GLYR1: variants seen among roughly 807,000 people sequenced by gnomAD.
The protein encoded by GLYR1 is glyoxylate reductase 1 homolog, also known as cytokine-like nuclear factor N-PAC.
A neutral mutation model predicts 72.7 loss-of-function variants in GLYR1; 21 were observed. That is an observed-to-expected ratio of 0.29 (90% CI 0.20 to 0.42). The LOEUF (loss-of-function observed/expected upper bound fraction) is 0.42, where lower values mean the gene tolerates loss of function less well. GLYR1 is among the 10% of genes least tolerant of loss of function. The pLI, the probability that GLYR1 is intolerant of heterozygous loss-of-function variation, is 1.00. For synonymous variants in GLYR1, 392 were observed against 270.2 expected, an observed-to-expected ratio of 1.45 and a Z score of -4.42; for missense variants, 594 against 712.1, an observed-to-expected ratio of 0.83 and a Z score of 1.89.
intron 5 of GLYR1, among the ~76,000 whole-genome samples, chr16:4,826,271 T>C (rs2084374744): frequency 6.6e-6 from 1 of 152,206 alleles, no homozygotes; most frequent in Admixed American, 6.5e-5. Context: ...TTGTTTTCTG[T>C]AATTTCTAAT....
intron 5 of GLYR1, among the ~76,000 whole-genome samples, chr16:4,827,373 G>A (rs558826662): frequency 6.6e-6 from 1 of 152,308 alleles, no homozygotes; most frequent in East Asian, 1.9e-4. Context: ...CTACCTGTCT[G>A]AAGGTGCTGA....
chr16:4,814,215 C>G (rs1056427599), intron 11 of GLYR1, among the ~76,000 whole-genome samples: 1 of 152,194 alleles, frequency 6.6e-6, no homozygotes, highest in East Asian at 1.9e-4. Context: ...ACAGTGACAG[C>G]TAAACATAGA....
intron 5 of GLYR1, among the ~76,000 whole-genome samples, chr16:4,825,801 G>A (rs551126561): frequency 3.3e-5 from 5 of 151,952 alleles, no homozygotes; most frequent in Admixed American, 1.3e-4. Context: ...ACAGGCGCGC[G>A]GCCACCATGC....
chr16:4,824,876 C>A (rs149773206), intron 5 of GLYR1, among the ~76,000 whole-genome samples: 72 of 152,298 alleles, frequency 4.7e-4, no homozygotes, highest in African/African-American at 1.7e-3. Context: ...CACCCCCTGC[C>A]TAAACTACTC....
At chr16:4,836,879 G>A (rs928291007) in intron 3 of GLYR1, among the ~76,000 whole-genome samples, 5 of 151,330 alleles carry the variant, frequency 3.3e-5, no homozygotes, top group South Asian at 2.1e-4. Context: ...AGGCTATGCC[G>A]ACTGCCCAGA....
Position 4,832,975 on chromosome 16 carries a change from A to G in GLYR1, c.156-63T>C, listed in dbSNP as rs2084891885. On this transcript the variant is annotated intron_variant, in intron 3 of 15. Coordinates refer to ENST00000321919, the MANE Select transcript of GLYR1 (RefSeq NM_032569.4). Reference sequence around the variant, plus strand: ...TAGCATATGCCCTAAAGTATCAACAACCTCACTATGGCACGGTGTAAATAT... The same window carrying G: ...TAGCATATGCCCTAAAGTATCAACAGCCTCACTATGGCACGGTGTAAATAT... 3 of 1,457,116 alleles carry G rather than the reference A, an allele frequency of 2.1e-6. No individual in the cohort carries two copies. In the Admixed American group the frequency reaches 6.6e-5, roughly 32 times the overall value. 90.3% of individuals were successfully genotyped at this position (1,457,116 alleles called of 1,614,324 possible).
intron 5 of GLYR1, among the ~76,000 whole-genome samples, chr16:4,826,865 G>A (rs1352014420): frequency 6.6e-6 from 1 of 152,198 alleles, no homozygotes; most frequent in Admixed American, 6.5e-5. Flanking sequence ...ACTCACCTAA[G>A]GCCACAATGA....
At chr16:4,814,168 G>A (rs970272684) in intron 11 of GLYR1, among the ~76,000 whole-genome samples, 10 of 151,792 alleles carry the variant, frequency 6.6e-5, no homozygotes, top group African/African-American at 1.4e-4. Context: ...AGTTTAATAA[G>A]ATGACTACCA....
chr16:4,827,321 A>G (rs1297687632), intron 5 of GLYR1, among the ~76,000 whole-genome samples: 2 of 152,188 alleles, frequency 1.3e-5, no homozygotes, highest in Non-Finnish European at 2.9e-5. Context: ...GATGTATCGC[A>G]TTTAAAACAC....
intron 9 of GLYR1, 127 bp downstream of exon 9, chr16:4,821,253 C>T (rs2084004226): frequency 1.1e-6 from 1 of 906,202 alleles, no homozygotes; most frequent in Non-Finnish European, 1.8e-6. Flanking sequence ...TACAACATCC[C>T]CCCACCTTTT....
chr16:4,828,914 C>T (rs533017499), intron 5 of GLYR1, among the ~76,000 whole-genome samples: 5 of 152,152 alleles, frequency 3.3e-5, no homozygotes, highest in East Asian at 1.9e-4. Flanking sequence ...GCACAGGCAC[C>T]GGTGAGATGC....
chr16:4,840,623 T>C (rs2085481504), intron 3 of GLYR1, among the ~76,000 whole-genome samples: 1 of 152,118 alleles, frequency 6.6e-6, no homozygotes, highest in South Asian at 2.1e-4. Flanking sequence ...GACCAATGTG[T>C]GCTAATACCT....
chr16:4,832,326 T>A, intron 4 of GLYR1, 105 bp from the exon 5 acceptor site: 3 of 1,338,816 alleles, frequency 2.2e-6, no homozygotes, highest in Non-Finnish European at 3.1e-6. Context: ...CTGTGTGGTC[T>A]CCTCACAATG....
chr16:4,814,483 CCAG>C, intron 11 of GLYR1, 51 bp downstream of exon 11: 1 of 1,385,310 alleles, frequency 7.2e-7, no homozygotes, highest in Non-Finnish European at 1.0e-6. Context: ...AAGAGGCCAG[CCAG>C]CAATCCTGGC....
chr16:4,822,704 T>C (rs2084115303), intron 7 of GLYR1, among the ~76,000 whole-genome samples, 171 bp downstream of exon 7: 1 of 152,254 alleles, frequency 6.6e-6, no homozygotes, highest in South Asian at 2.1e-4. Flanking sequence ...TTACTTTTAA[T>C]CTTAACAATG....
At position 4,837,932 on chromosome 16, in the gene GLYR1, A is replaced by AAATTAAAT. The variant is rs1555504982; in HGVS notation, c.156-5021_156-5020insATTTAATT. 2.8e-5 allele frequency among the ~76,000 whole-genome samples: 4 copies of AAATTAAAT among 142,512 alleles called. No homozygotes were observed. The South Asian group carries it at 6.6e-4, about 23-fold the overall frequency. The allele number at this position is 142,512 out of a possible 152,430, so 93.5% of individuals were successfully genotyped here. ...GCGACAGAGCGAGACTCCATCTCAA[A>AAATTAAAT]AAATAAATAAATAAATAAATAAATA... On this transcript the variant is annotated intron_variant, in intron 3 of 15. Coordinates refer to ENST00000321919, the MANE Select transcript of GLYR1 (RefSeq NM_032569.4).
At chr16:4,805,373 T>A (rs758009025) in intron 15 of GLYR1, 63 bp from the exon 16 acceptor site, 59 of 1,389,938 alleles carry the variant, frequency 4.2e-5, no homozygotes, top group Non-Finnish European at 5.9e-5. Context: ...CTAGACCTGA[T>A]TCCTGGAGGC....
chr16:4,807,402 C>T (rs553849858), intron 15 of GLYR1, among the ~76,000 whole-genome samples: 224 of 152,160 alleles, frequency 1.5e-3, no homozygotes, highest in Non-Finnish European at 2.8e-3. Context: ...TGTCAGCCAC[C>T]GTGCCCAGCT....
At chr16:4,827,835 G>C (rs1198456084) in intron 5 of GLYR1, among the ~76,000 whole-genome samples, 2 of 151,926 alleles carry the variant, frequency 1.3e-5, no homozygotes, top group Non-Finnish European at 2.9e-5. Context: ...AGGAGGCGGA[G>C]CTTGCAGTGA....
Sources: allele counts gnomAD v4.1 joint callset (sites outside exome capture counted in the v4.1 genomes callset), GRCh38; gene constraint gnomAD v4.1.1; transcripts MANE v1.5; gene names NCBI Gene and HGNC (gene_info 2026-07-23, HGNC 2026-07-21).